The following KAT2B variants were observed in gnomAD, a reference collection of about 807,000 sequenced individuals.
KAT2B encodes the protein histone acetyltransferase KAT2B.
In KAT2B, 36 loss-of-function variants were observed where a neutral mutation model predicts 105.9. The ratio of observed to expected loss-of-function variants is 0.34; its 90% CI spans 0.26 to 0.45. KAT2B has a LOEUF of 0.45. KAT2B is among the 20% of genes least tolerant of loss of function. KAT2B has a pLI of 1.00. For synonymous variants in KAT2B, 397 were observed against 377.9 expected, an observed-to-expected ratio of 1.05 and a Z score of -0.59; for missense variants, 820 against 1,021.6, an observed-to-expected ratio of 0.80 and a Z score of 2.69.
At chr3:20,100,751 T>A (rs1311259546) in intron 4 of KAT2B, among the ~76,000 whole-genome samples, 1 of 152,238 alleles carries the variant, frequency 6.6e-6, no homozygotes, top group Non-Finnish European at 1.5e-5. Flanking sequence ...ACAGTTTTTT[T>A]AAAAGCCCAT....
rs556682919 is a variant in KAT2B, at chr3:20,065,199, A to G, written c.304-7134A>G. On this transcript the variant is annotated intron_variant, in intron 1 of 17. Coordinates refer to ENST00000263754, the MANE Select transcript of KAT2B (RefSeq NM_003884.5). ...CCTTTTCTTCTTTCTTGGTTCTGCA[A>G]TGTCTGCAGAGATGTGCTCTTGGGG... 2.3e-3 allele frequency among the ~76,000 whole-genome samples: 353 copies of G among 152,190 alleles called. 1 individual carries two copies. The highest frequency in any genetic ancestry group is 7.8e-3 in the African/African-American group (326 of 41,540).
At chr3:20,045,046 GCT>G (rs1479122090) in intron 1 of KAT2B, among the ~76,000 whole-genome samples, 1 of 151,948 alleles carries the variant, frequency 6.6e-6, no homozygotes, top group Admixed American at 6.6e-5. Flanking sequence ...ACAGGGTCTC[GCT>G]CTGTCACCCT....
intron 5 of KAT2B, among the ~76,000 whole-genome samples, chr3:20,104,363 C>T (rs61138004): frequency 1.3e-5 from 2 of 152,002 alleles, no homozygotes; most frequent in African/African-American, 4.8e-5. Context: ...CACCAACCTC[C>T]CCCACGTCCC....
In KAT2B at chr3:20,121,691, C is replaced by T. The variant is rs548043146; in HGVS notation, c.1277-977C>T. Among the ~76,000 whole-genome samples the T allele has an allele frequency of 3.0e-4, 44 of 145,852 alleles. No individual in the cohort carries two copies. The East Asian group carries it at 7.7e-3, about 26-fold the overall frequency. ...TTTATGGTATATTTCAAATATATAG[C>T]TATATATACATAATATATATGCATA... is the stretch of plus-strand genomic sequence containing the variant. On this transcript the variant is annotated intron_variant, in intron 8 of 17. Transcript: ENST00000263754.
At chr3:20,070,263 C>T (rs2125179544) in intron 1 of KAT2B, among the ~76,000 whole-genome samples, 1 of 152,110 alleles carries the variant, frequency 6.6e-6, no homozygotes, top group Non-Finnish European at 1.5e-5. Context: ...TCTACCATGA[C>T]CCTTCTTACC....
chr3:20,054,288 G>A (rs896453977), intron 1 of KAT2B, among the ~76,000 whole-genome samples: 5 of 151,680 alleles, frequency 3.3e-5, no homozygotes, highest in Admixed American at 2.6e-4. Flanking sequence ...GCCACCATAC[G>A]CAGCTAATTT....
intron 7 of KAT2B, among the ~76,000 whole-genome samples, chr3:20,116,677 C>G (rs1357146110): frequency 2.0e-5 from 3 of 152,064 alleles, no homozygotes; most frequent in Admixed American, 2.0e-4. Context: ...TTTTGATGGT[C>G]AGAGACCCAG....
chr3:20,070,916 C>T (rs2125180038), intron 1 of KAT2B, among the ~76,000 whole-genome samples: 1 of 149,568 alleles, frequency 6.7e-6, no homozygotes. Context: ...GGCTGAGGCA[C>T]AAGAATCACT....
chr3:20,045,375 G>A (rs1458508502), intron 1 of KAT2B, among the ~76,000 whole-genome samples: 4 of 150,896 alleles, frequency 2.7e-5, no homozygotes, highest in African/African-American at 9.8e-5. Flanking sequence ...TTTAGAGACA[G>A]GGTCTTGCTC....
chr3:20,145,689 T>C (rs2686317), intron 13 of KAT2B, among the ~76,000 whole-genome samples: 118,953 of 151,706 alleles, frequency 0.78, 47,136 homozygotes, highest in East Asian at 0.97. Flanking sequence ...TGTGATGGCT[T>C]ATGTCATGGT....
At chr3:20,070,322 T>TTTC (rs10647897) in intron 1 of KAT2B, among the ~76,000 whole-genome samples, 54,150 of 145,192 alleles carry the variant, frequency 0.37, 10,667 homozygotes, top group South Asian at 0.46. Flanking sequence ...TTTTTTTTTT[T>TTTC]TGAGATGGAG....
intron 11 of KAT2B, among the ~76,000 whole-genome samples, chr3:20,128,861 GC>G (rs1288655812): frequency 6.6e-6 from 1 of 151,940 alleles, no homozygotes; most frequent in African/African-American, 2.4e-5. Flanking sequence ...TACAAAATTA[GC>G]TTGGTGTGGT....
chr3:20,041,762 C>G (rs1324609522), intron 1 of KAT2B, among the ~76,000 whole-genome samples: 1 of 152,210 alleles, frequency 6.6e-6, no homozygotes. Context: ...TCACACCTCC[C>G]TGTATTCTTC....
At chr3:20,140,493 G>A in intron 13 of KAT2B, 129 bp downstream of exon 13, 4 of 863,388 alleles carry the variant, frequency 4.6e-6, no homozygotes, top group Non-Finnish European at 3.5e-6. Flanking sequence ...GGGTTATCTA[G>A]ATTTCTTCTC....
At chr3:20,131,655 C>A (rs1054837965) in intron 11 of KAT2B, among the ~76,000 whole-genome samples, 1 of 152,092 alleles carries the variant, frequency 6.6e-6, no homozygotes, top group Non-Finnish European at 1.5e-5. Context: ...GCGTCTGCGA[C>A]CTCCTGTGCT....
intron 1 of KAT2B, among the ~76,000 whole-genome samples, chr3:20,060,665 C>T (rs1241733268): frequency 6.6e-6 from 1 of 152,022 alleles, no homozygotes; most frequent in Admixed American, 6.6e-5. Context: ...AGCTCATGGC[C>T]TGTAATCTTA....
At chr3:20,131,388 G>A (rs1699508968) in intron 11 of KAT2B, among the ~76,000 whole-genome samples, 1 of 151,922 alleles carries the variant, frequency 6.6e-6, no homozygotes, top group African/African-American at 2.4e-5. Context: ...CACTGCCCAA[G>A]ATATTTACAT....
intron 6 of KAT2B, among the ~76,000 whole-genome samples, chr3:20,113,653 AAC>A (rs1699158462): frequency 6.6e-6 from 1 of 152,210 alleles, no homozygotes; most frequent in African/African-American, 2.4e-5. Context: ...TTGGCAGCAG[AAC>A]CACACATGTT....
intron 13 of KAT2B, among the ~76,000 whole-genome samples, chr3:20,141,060 C>T (rs778976740): frequency 7.2e-5 from 11 of 152,154 alleles, no homozygotes; most frequent in Non-Finnish European, 1.3e-4. Context: ...TTAGCCACCC[C>T]GTTCACTCAG....
Sources: allele counts gnomAD v4.1 joint callset (sites outside exome capture counted in the v4.1 genomes callset), GRCh38; gene constraint gnomAD v4.1.1; transcripts MANE v1.5; gene names NCBI Gene and HGNC (gene_info 2026-07-23, HGNC 2026-07-21).